Variants in MACF1 observed in about 807,000 individuals in gnomAD.
MACF1 encodes microtubule actin crosslinking factor 1.
Under a neutral mutation model 854.8 loss-of-function variants are expected in MACF1, and 193 were observed. The ratio of observed to expected loss-of-function variants is 0.23; its 90% CI spans 0.20 to 0.25. The LOEUF (loss-of-function observed/expected upper bound fraction) is 0.25. Among genes scored for constraint, MACF1 ranks in the 10% least tolerant of loss-of-function variants. MACF1 has a pLI of 1.00. For synonymous variants in MACF1, 3,185 were observed against 3,226.7 expected (o/e 0.99, Z 0.44); for missense variants, 7,722 against 8,929.1 (o/e 0.86, Z 5.45).
rs11809377 is a variant in MACF1, at chr1:39,212,258, T to G, written c.109+7127T>G. 9.3e-3 allele frequency among the ~76,000 whole-genome samples: 1,416 copies of G among 152,244 alleles called. 27 individuals are homozygous for G. The highest frequency in any genetic ancestry group is 0.032 in the African/African-American group (1,345 of 41,520). On this transcript the variant is annotated intron_variant, in intron 1 of 100. Transcript: ENST00000564288. ...GCTCGGATGACTCTACTGGCCCATC[T>G]CCTCTGGATAGTTAAGAGCTGACTG...
At position 39,336,443 on chromosome 1, in the gene MACF1, A is replaced by T; in HGVS notation, c.9855A>T (p.Thr3285=). 1 of 1,614,196 alleles carries T rather than the reference A, an allele frequency of 6.2e-7. No homozygotes were observed. Among genetic ancestry groups the T allele is most frequent in the Non-Finnish European group, 8.5e-7 (1 of 1,180,018 alleles). Residue 3285 remains threonine (T), a synonymous_variant, in exon 37 of 101, where the codon ACA becomes ACT. Coordinates refer to ENST00000564288, the MANE Select transcript of MACF1 (RefSeq NM_001394062.1). ...LFKGVSQKEN[T]GQQNAIISPT... is the part of the protein sequence containing the mutation. ...AAGGAGTGTCTCAAAAAGAGAATAC[A>T]GGGCAACAGAATGCCATCATTAGTC...
At position 39,204,978 on chromosome 1, in the gene MACF1, T is replaced by C. The variant is rs770688766; in HGVS notation, c.-45T>C. 513 of 702,242 alleles carry C rather than the reference T, an allele frequency of 7.3e-4. 1 individual carries two copies. The highest frequency in any genetic ancestry group is 1.2e-3 in the Non-Finnish European group (455 of 384,634). The allele number at this position is 702,242 out of a possible 1,614,324, so 43.5% of individuals were successfully genotyped here. On this transcript the variant is annotated 5_prime_UTR_variant, in exon 1 of 101. Transcript: ENST00000564288. The stretch of plus-strand genomic sequence containing the variant: ...GAGAAAGGCATCCAGAGGCCTGCGC[T>C]GAGCTTGTGGCTAACTCAAGGGAGG...
At position 39,385,682 on chromosome 1, in the gene MACF1, G is replaced by C; in HGVS notation, c.14097G>C (p.Val4699=). Residue 4699 remains valine, a synonymous_variant, in exon 57 of 101, where the codon GTG becomes GTC. Coordinates refer to ENST00000564288, the MANE Select transcript of MACF1 (RefSeq NM_001394062.1). ...TGCTCCAGGACTTATCAGAGAAGGT[G>C]AGGGCAGTTGGACAACGGCTGAGTG... The part of the protein sequence containing the change: ...QELLQDLSEK[V]RAVGQRLSVQ... The C allele has an allele frequency of 6.2e-7, 1 of 1,614,226 alleles. No homozygotes were observed. Among genetic ancestry groups the C allele is most frequent in the Non-Finnish European group, 8.5e-7 (1 of 1,180,040 alleles).
chr1:39,459,789 T>C, intron 91 of MACF1: 1 of 1,297,786 alleles, frequency 7.7e-7, no homozygotes, highest in African/African-American at 1.5e-5. Flanking sequence ...CTAATATCTT[T>C]TGTATTTTTT....
Position 39,331,555 on chromosome 1 carries a change from T to C in MACF1, c.4967T>C (p.Leu1656Pro). ...GGACTGAAAATCTTAGAAGCTCACC[T>C]GGCAACTGGAGGTTTCAGTCTTTCC... is the stretch of plus-strand genomic sequence containing the variant. ...TVGLKILEAH[L>P]ATGGFSLSPS... Residue 1656 changes from leucine (L) to proline (P), a missense_variant, in exon 37 of 101, where the codon CTG (leucine) becomes CCG (proline). Physicochemically the swap from Leu to Pro is moderately conservative, Grantham distance 98. Around this residue, in one of 15 missense-constraint regions of MACF1, gnomAD observed 1,531 missense variants for 1,601.6 expected, o/e 0.96. Transcript: ENST00000564288. The C allele has an allele frequency of 1.2e-6, 2 of 1,614,232 alleles. No homozygotes were observed. The highest frequency in any genetic ancestry group is 2.2e-5 in the East Asian group (1 of 44,888).
At chr1:39,153,562 G>T (rs1231567634) in intron 2 of MACF1, among the ~76,000 whole-genome samples, 1 of 152,174 alleles carries the variant, frequency 6.6e-6, no homozygotes, top group African/African-American at 2.4e-5. Context: ...CCTCTTGTTG[G>T]GCCGTGAAGC....
In MACF1 at chr1:39,293,567, A is replaced by C. The variant is rs544785309; in HGVS notation, c.2102A>C (p.Tyr701Ser). ...GAGAAGGAGGAGGAGGAACTAGCAT[A>C]TGACTGGAGTGACAACAATTCCAAT... Reference protein sequence around the residue: ...LNEKEEEELAYDWSDNNSNIS... With the variant: ...LNEKEEEELASDWSDNNSNIS... The change falls in exon 18 of 101, where the codon TAT (tyrosine) becomes TCT (serine). Residue 701 changes from tyrosine (Y) to serine (S), a missense_variant. Transcript: ENST00000564288. 1 of 1,613,950 alleles carries C rather than the reference A, an allele frequency of 6.2e-7. No individual in the cohort carries two copies. The highest frequency in any genetic ancestry group is 1.3e-5 in the African/African-American group (1 of 75,046).
intron 26 of MACF1, among the ~76,000 whole-genome samples, chr1:39,314,312 A>G (rs3121901): frequency 0.97 from 147,712 of 152,186 alleles, 71,798 homozygotes; most frequent in East Asian, 1. Context: ...GGGAGGCTGA[A>G]GCAGGAGAAT....
intron 2 of MACF1, among the ~76,000 whole-genome samples, chr1:39,129,475 T>A (rs1283816306): frequency 6.6e-6 from 1 of 152,192 alleles, no homozygotes; most frequent in East Asian, 1.9e-4. Context: ...TTTATTTTCT[T>A]TGCTATAAAA....
intron 89 of MACF1, 21 bp downstream of exon 89, chr1:39,455,118 G>A (rs761327264): frequency 1.4e-5 from 23 of 1,608,730 alleles, no homozygotes; most frequent in Admixed American, 3.4e-5. Flanking sequence ...CTCACTGTGT[G>A]ATCACTGGTG....
intron 55 of MACF1, 59 bp downstream of exon 55, chr1:39,380,432 A>C: frequency 6.6e-7 from 1 of 1,518,706 alleles, no homozygotes; most frequent in Non-Finnish European, 9.0e-7. Flanking sequence ...AAGCAAGTAG[A>C]GAATTTCAGC....
At chr1:39,131,592 C>T (rs1643007373) in intron 2 of MACF1, among the ~76,000 whole-genome samples, 1 of 152,144 alleles carries the variant, frequency 6.6e-6, no homozygotes, top group Non-Finnish European at 1.5e-5. Context: ...CTTTGTATCT[C>T]TGATGTTTAG....
At chr1:39,110,334 T>G (rs770922840) in intron 2 of MACF1, among the ~76,000 whole-genome samples, 1 of 147,006 alleles carries the variant, frequency 6.8e-6, no homozygotes, top group Admixed American at 7.0e-5. Flanking sequence ...CCTCTCAGGC[T>G]CAAGTGATCT....
At chr1:39,111,261 G>A (rs756358220) in intron 2 of MACF1, among the ~76,000 whole-genome samples, 12 of 152,116 alleles carry the variant, frequency 7.9e-5, no homozygotes, top group Non-Finnish European at 1.8e-4. Context: ...TGATACCATT[G>A]TGTAGCTCAC....
intron 2 of MACF1, among the ~76,000 whole-genome samples, chr1:39,136,597 TG>T (rs1643176330): frequency 6.6e-6 from 1 of 152,180 alleles, no homozygotes; most frequent in Admixed American, 6.5e-5. Flanking sequence ...CTGTGCAAAT[TG>T]GCCTACCCTC....
At chr1:39,111,326 G>C (rs12126829) in intron 2 of MACF1, among the ~76,000 whole-genome samples, 18,333 of 152,008 alleles carry the variant, frequency 0.12, 1,158 homozygotes, top group African/African-American at 0.14. Context: ...CTCCGGAGTA[G>C]CTAGGATTAA....
intron 56 of MACF1, 78 bp downstream of exon 56, chr1:39,382,230 G>A (rs1337884226): frequency 5.9e-6 from 8 of 1,349,728 alleles, no homozygotes; most frequent in Middle Eastern, 1.8e-4. Flanking sequence ...TAGATTTCAT[G>A]TGATCCTGGA....
At chr1:39,413,311 C>T (rs1310417056) in intron 58 of MACF1, 1 of 1,548,214 alleles carries the variant, frequency 6.5e-7, no homozygotes, top group Non-Finnish European at 8.7e-7. Flanking sequence ...GCCCACCTCC[C>T]CAGCTGCTGC....
At chr1:39,086,657 A>C (rs1264758880) in intron 2 of MACF1, among the ~76,000 whole-genome samples, 1 of 152,110 alleles carries the variant, frequency 6.6e-6, no homozygotes, top group Non-Finnish European at 1.5e-5. Context: ...TTCCACTTCC[A>C]GTCTTCTCTG....
Sources: allele counts gnomAD v4.1 joint callset (sites outside exome capture counted in the v4.1 genomes callset), GRCh38; gene constraint gnomAD v4.1.1; regional missense constraint gnomAD v4.1.1; transcripts MANE v1.5; gene names NCBI Gene and HGNC (gene_info 2026-07-23, HGNC 2026-07-21).